Variants in ATG5 observed in about 807,000 individuals in gnomAD.
The protein encoded by ATG5 is autophagy related 5.
ATG5 carries 14 observed loss-of-function variants against 36.5 expected under a neutral mutation model. The observed-to-expected ratio is 0.38, with a 90% CI of 0.25 to 0.60. ATG5 has a LOEUF of 0.60. Ranked by LOEUF, ATG5 falls within the 20% of genes least tolerant of loss-of-function variation. ATG5 has a pLI of 0.60. For missense variants in ATG5, 195 were observed against 326.7 expected, an observed-to-expected ratio of 0.60 and a Z score of 3.11; for synonymous variants, 95 against 101.5, an observed-to-expected ratio of 0.94 and a Z score of 0.38.
chr6:106,297,061 T>C (rs948412771), intron 3 of ATG5, among the ~76,000 whole-genome samples: 6 of 152,230 alleles, frequency 3.9e-5, no homozygotes, highest in African/African-American at 1.2e-4. Flanking sequence ...TCTGAGTCTT[T>C]AGATGATATC....
At chr6:106,198,182 G>C (rs1776276602) in intron 7 of ATG5, among the ~76,000 whole-genome samples, 1 of 152,030 alleles carries the variant, frequency 6.6e-6, no homozygotes, top group Non-Finnish European at 1.5e-5. Flanking sequence ...GAGTTACTAA[G>C]GCAAAATTTC....
intron 5 of ATG5, among the ~76,000 whole-genome samples, chr6:106,278,636 T>C (rs1779752758): frequency 6.6e-6 from 1 of 152,236 alleles, no homozygotes; most frequent in African/African-American, 2.4e-5. Context: ...ACTCCATTTC[T>C]TTCTATTCAA....
chr6:106,299,525 G>C (rs933767221), intron 3 of ATG5, among the ~76,000 whole-genome samples: 1 of 152,172 alleles, frequency 6.6e-6, no homozygotes, highest in Non-Finnish European at 1.5e-5. Context: ...TATAGAAAAT[G>C]ACTGCATAAG....
At chr6:106,309,348 T>A (rs1770562673) in intron 2 of ATG5, among the ~76,000 whole-genome samples, 1 of 152,152 alleles carries the variant, frequency 6.6e-6, no homozygotes, top group African/African-American at 2.4e-5. Context: ...AAGGAATTTA[T>A]ATTTAATCAT....
Position 106,323,104 on chromosome 6 carries a change from T to G in ATG5, c.-59+2422A>C, listed in dbSNP as rs7764054. On this transcript the variant is annotated intron_variant, in intron 1 of 7. Coordinates refer to ENST00000369076, the MANE Select transcript of ATG5 (RefSeq NM_004849.4). ...CGGGTTTGTTTTTTTTGTTTGTTTGTTTTTTTGTATTTTTAGTAGAGACGG... is the reference window on the plus strand; with the variant it reads ...CGGGTTTGTTTTTTTTGTTTGTTTGGTTTTTTGTATTTTTAGTAGAGACGG... Among the ~76,000 whole-genome samples the G allele has an allele frequency of 5.5e-3, 829 of 151,686 alleles. 6 individuals carry two copies. Among genetic ancestry groups the G allele is most frequent in the African/African-American group, 0.018 (762 of 41,308 alleles).
chr6:106,320,003 C>T (rs548879093), intron 1 of ATG5, among the ~76,000 whole-genome samples: 2 of 152,356 alleles, frequency 1.3e-5, no homozygotes, highest in African/African-American at 4.8e-5. Context: ...AAACACTATA[C>T]ATTTTACATT....
At position 106,308,507 on chromosome 6, in the gene ATG5, G is replaced by T; in HGVS notation, c.109-16C>A. On this transcript the variant is annotated splice_polypyrimidine_tract_variant and intron_variant, in intron 2 of 7. Transcript: ENST00000369076. ...GCAAAAGCAACTGAAATGAAAATTT[G>T]TAAAACCGTATTTATTTACTAGTTA... 6.6e-7 allele frequency: 1 copy of T among 1,521,328 alleles called. No individual in the cohort carries two copies. The highest frequency in any genetic ancestry group is 8.8e-7 in the Non-Finnish European group (1 of 1,132,642). The allele number at this position is 1,521,328 out of a possible 1,614,324, so 94.2% of individuals were successfully genotyped here. A position where few individuals can be genotyped will look rare whatever the true frequency, so the allele number is the denominator to read the frequency against.
At chr6:106,192,130 C>T (rs1775988039) in intron 7 of ATG5, among the ~76,000 whole-genome samples, 1 of 151,934 alleles carries the variant, frequency 6.6e-6, no homozygotes, top group South Asian at 2.1e-4. Context: ...GTGCTCTCAA[C>T]ACATATATTC....
At chr6:106,206,648 CAAA>C (rs57955030) in intron 6 of ATG5, among the ~76,000 whole-genome samples, 6 of 118,102 alleles carry the variant, frequency 5.1e-5, no homozygotes, top group East Asian at 2.3e-4. Flanking sequence ...GAAACTGTCT[CAAA>C]AAAAAAAAAA....
At chr6:106,245,412 T>C (rs963018672) in intron 6 of ATG5, among the ~76,000 whole-genome samples, 2 of 152,232 alleles carry the variant, frequency 1.3e-5, no homozygotes, top group African/African-American at 4.8e-5. Context: ...ACAAACTTAA[T>C]GATTACAAAC....
chr6:106,294,896 A>G (rs1460163066), intron 3 of ATG5, among the ~76,000 whole-genome samples: 1 of 151,570 alleles, frequency 6.6e-6, no homozygotes, highest in Non-Finnish European at 1.5e-5. Context: ...GTAAAAATAA[A>G]GCAGTGGGGG....
At position 106,246,392 on chromosome 6, in the gene ATG5, T is replaced by A. The variant is rs7756937; in HGVS notation, c.573+1758A>T. The stretch of plus-strand genomic sequence containing the variant: ...CTCTGTCTCTCTCTCTCTCTCTCTC[T>A]CACACACACACACACACACACACAC... On this transcript the variant is annotated intron_variant, in intron 6 of 7. Coordinates refer to ENST00000369076, the MANE Select transcript of ATG5 (RefSeq NM_004849.4). 4.0e-3 allele frequency among the ~76,000 whole-genome samples: 520 copies of A among 129,620 alleles called. 4 individuals are homozygous for A. Among genetic ancestry groups the A allele is most frequent in the African/African-American group, 0.012 (411 of 34,454 alleles). The allele number at this position is 129,620 out of a possible 152,430, so 85.0% of individuals were successfully genotyped here. A position where few individuals can be genotyped will look rare whatever the true frequency, so the allele number is the denominator to read the frequency against.
At chr6:106,207,267 A>T (rs905145051) in intron 6 of ATG5, among the ~76,000 whole-genome samples, 5 of 152,160 alleles carry the variant, frequency 3.3e-5, no homozygotes, top group African/African-American at 1.2e-4. Context: ...TTTTTCTTAT[A>T]TGGGAAATTT....
At chr6:106,241,247 A>C (rs1019444324) in intron 6 of ATG5, among the ~76,000 whole-genome samples, 4 of 152,234 alleles carry the variant, frequency 2.6e-5, no homozygotes, top group African/African-American at 9.6e-5. Flanking sequence ...CATTTCTTCA[A>C]GGATGATAAA....
At chr6:106,232,191 G>T (rs1554216946) in intron 6 of ATG5, among the ~76,000 whole-genome samples, 1 of 152,096 alleles carries the variant, frequency 6.6e-6, no homozygotes, top group Non-Finnish European at 1.5e-5. Flanking sequence ...CGGCCAGGAG[G>T]CTAACTGTCT....
intron 1 of ATG5, 72 bp from the exon 2 acceptor site, chr6:106,316,338 AT>A: frequency 2.0e-6 from 1 of 503,754 alleles, no homozygotes; most frequent in South Asian, 4.7e-5. Context: ...ACAAAAGATT[AT>A]TTTAAAAAAT....
Position 106,260,426 on chromosome 6 carries a change from G to A in ATG5, c.479-12182C>T, listed in dbSNP as rs530983494. Among the ~76,000 whole-genome samples, 13 of 152,242 alleles carry A rather than the reference G, an allele frequency of 8.5e-5. No homozygotes were observed. In the South Asian group the frequency reaches 2.7e-3, roughly 32 times the overall value. ...AGAGAGAAATACACTAAATGTAAAA[G>A]AGCTCCAGGAACTTAAGCATAGTCT... On this transcript the variant is annotated intron_variant, in intron 5 of 7. Coordinates refer to ENST00000369076, the MANE Select transcript of ATG5 (RefSeq NM_004849.4).
At chr6:106,288,333 A>T (rs1168508767) in intron 4 of ATG5, among the ~76,000 whole-genome samples, 1 of 152,134 alleles carries the variant, frequency 6.6e-6, no homozygotes, top group Non-Finnish European at 1.5e-5. Flanking sequence ...CACAGAAATG[A>T]GATAATTTTC....
At chr6:106,315,250 C>A (rs1562271917) in intron 2 of ATG5, among the ~76,000 whole-genome samples, 11 of 152,200 alleles carry the variant, frequency 7.2e-5, no homozygotes. Context: ...ACAGAAGAAG[C>A]ATTTCCTCAT....
Sources: allele counts gnomAD v4.1 joint callset (sites outside exome capture counted in the v4.1 genomes callset), GRCh38; gene constraint gnomAD v4.1.1; transcripts MANE v1.5; gene names NCBI Gene and HGNC (gene_info 2026-07-23, HGNC 2026-07-21).